CHERP: variants seen among roughly 807,000 people sequenced by gnomAD.
CHERP encodes calcium homeostasis endoplasmic reticulum protein, also known as ERPROT 213-21.
Under a neutral mutation model 113.8 loss-of-function variants are expected in CHERP, and 8 were observed. The observed-to-expected ratio is 0.07, with a 90% CI of 0.04 to 0.13. The LOEUF (loss-of-function observed/expected upper bound fraction) is 0.13. CHERP is among the 10% of genes least tolerant of loss of function. The pLI is 1.00. For missense variants in CHERP, 884 were observed against 1,298.2 expected, an observed-to-expected ratio of 0.68 and a Z score of 4.90; for synonymous variants, 559 against 524.5, an observed-to-expected ratio of 1.07 and a Z score of -0.90.
chr19:16,520,730 G>T lies in CHERP; in HGVS notation c.2201+96C>A. ...ACCGCCCCATAGGCACAGGCTGTGT[G>T]AGGGTGGACGTGATGAGTGTATCTG... On this transcript the variant is annotated intron_variant, in intron 13 of 16. Transcript: ENST00000546361. The surrounding 1 kb of genome is among the most constrained non-coding windows in gnomAD (Gnocchi z 4.0). 7.7e-7 allele frequency: 1 copy of T among 1,291,870 alleles called. No individual in the cohort carries two copies. The highest frequency in any genetic ancestry group is 1.1e-6 in the Non-Finnish European group (1 of 895,388). 80.0% of individuals were successfully genotyped at this position (1,291,870 alleles called of 1,614,324 possible).
At position 16,532,808 on chromosome 19, in the gene CHERP, G is replaced by C; in HGVS notation, c.523-59C>G. ...GCCGCGGCTCCCCCAGGCACCCACTGCATCCCTGAGAGCGCGTCACCATCA... is the reference window on the plus strand; with the variant it reads ...GCCGCGGCTCCCCCAGGCACCCACTCCATCCCTGAGAGCGCGTCACCATCA... On this transcript the variant is annotated intron_variant, in intron 4 of 16. Coordinates refer to ENST00000546361, the MANE Select transcript of CHERP (RefSeq NM_006387.6). This position sits in a 1 kb window ranked among gnomAD's most constrained non-coding sequence, Gnocchi z 4.4. 1 of 1,569,190 alleles carries C rather than the reference G, an allele frequency of 6.4e-7. No homozygotes were observed. Among genetic ancestry groups the C allele is most frequent in the Non-Finnish European group, 8.7e-7 (1 of 1,152,722 alleles).
Position 16,520,603 on chromosome 19 carries a change from G to T in CHERP, c.2202-96C>A. 7.1e-7 allele frequency: 1 copy of T among 1,408,414 alleles called. No individual in the cohort carries two copies. The highest frequency in any genetic ancestry group is 2.3e-5 in the East Asian group (1 of 43,798). The allele number at this position is 1,408,414 out of a possible 1,614,324, so 87.2% of individuals were successfully genotyped here. On this transcript the variant is annotated intron_variant, in intron 13 of 16. Coordinates refer to ENST00000546361, the MANE Select transcript of CHERP (RefSeq NM_006387.6). The surrounding 1 kb of genome is among the most constrained non-coding windows in gnomAD (Gnocchi z 4.0). Reference sequence around the variant, plus strand: ...TTCCTAGACCACCCCAGATGCAGGGGCTCTGGCTGTGGATGTGGCGCCATA... The same window carrying T: ...TTCCTAGACCACCCCAGATGCAGGGTCTCTGGCTGTGGATGTGGCGCCATA...
At position 16,518,491 on chromosome 19, in the gene CHERP, A is replaced by C. The variant is rs1555779842; in HGVS notation, c.*668T>G. 1.3e-5 allele frequency: 2 copies of C among 152,228 alleles called. No individual in the cohort carries two copies. Among genetic ancestry groups the C allele is most frequent in the South Asian group, 4.1e-4 (2 of 4,838 alleles). 9.4% of individuals were successfully genotyped at this position (152,228 alleles called of 1,614,324 possible). On this transcript the variant is annotated 3_prime_UTR_variant, in exon 17 of 17. Coordinates refer to ENST00000546361, the MANE Select transcript of CHERP (RefSeq NM_006387.6). Reference sequence around the variant, plus strand: ...TTATACAACTAAAATAACTGAACTAAGGGCCAGTACGCCTTCGAAGAATTA... The same window carrying C: ...TTATACAACTAAAATAACTGAACTACGGGCCAGTACGCCTTCGAAGAATTA...
intron 3 of CHERP, 24 bp from the exon 4 acceptor site, chr19:16,533,172 C>T (rs564871288): frequency 2.4e-5 from 38 of 1,567,906 alleles, no homozygotes; most frequent in African/African-American, 6.7e-5. Flanking sequence ...TCGGTGGGGT[C>T]GAGAACACAT....
At position 16,523,426 on chromosome 19, in the gene CHERP, G is replaced by A. The variant is rs963980496; in HGVS notation, c.1742-136C>T. The stretch of plus-strand genomic sequence containing the variant: ...AGCCTGTCCAGCATCTTCTCTCACT[G>A]CTTAAGACCAGGCAGCAAGGCACCG... On this transcript the variant is annotated intron_variant, in intron 10 of 16. Transcript: ENST00000546361. This position sits in a 1 kb window ranked among gnomAD's most constrained non-coding sequence, Gnocchi z 4.0. 1.0e-6 allele frequency: 1 copy of A among 1,002,544 alleles called. No individual in the cohort carries two copies. Among genetic ancestry groups the A allele is most frequent in the Non-Finnish European group, 1.5e-6 (1 of 681,362 alleles). 62.1% of individuals were successfully genotyped at this position (1,002,544 alleles called of 1,614,324 possible). A position where few individuals can be genotyped will look rare whatever the true frequency, so the allele number is the denominator to read the frequency against.
In CHERP at chr19:16,520,615, G is replaced by A. The variant is rs2085603629; in HGVS notation, c.2202-108C>T. On this transcript the variant is annotated intron_variant, in intron 13 of 16. Coordinates refer to ENST00000546361, the MANE Select transcript of CHERP (RefSeq NM_006387.6). The surrounding 1 kb of genome is among the most constrained non-coding windows in gnomAD (Gnocchi z 4.0). ...CCCAGATGCAGGGGCTCTGGCTGTG[G>A]ATGTGGCGCCATAGCCACAGCAACG... The A allele has an allele frequency of 7.4e-7, 1 of 1,345,680 alleles. No individual in the cohort carries two copies. The highest frequency in any genetic ancestry group is 1.3e-5 in the South Asian group (1 of 75,150). The allele number at this position is 1,345,680 out of a possible 1,614,324, so 83.4% of individuals were successfully genotyped here.
intron 3 of CHERP, among the ~76,000 whole-genome samples, chr19:16,534,543 C>T (rs559809111): frequency 6.6e-6 from 1 of 152,264 alleles, no homozygotes; most frequent in East Asian, 1.9e-4. Flanking sequence ...GTGGTGCAAT[C>T]TCAGCTCATG....
In CHERP at chr19:16,530,019, G is replaced by A; in HGVS notation, c.877-119C>T. The A allele has an allele frequency of 5.3e-6, 7 of 1,319,390 alleles. No individual in the cohort carries two copies. In the Admixed American group the frequency reaches 6.6e-5, roughly 13 times the overall value. The allele number at this position is 1,319,390 out of a possible 1,614,324, so 81.7% of individuals were successfully genotyped here. A position where few individuals can be genotyped will look rare whatever the true frequency, so the allele number is the denominator to read the frequency against. ...GGGGGACCTGGGGCAGGTGGACAGG[G>A]AACCGTCACGTGAAACAGCCAACAC... On this transcript the variant is annotated intron_variant, in intron 7 of 16. Transcript: ENST00000546361. This position sits in a 1 kb window ranked among gnomAD's most constrained non-coding sequence, Gnocchi z 4.1.
Position 16,523,739 on chromosome 19 carries a change from G to C in CHERP, c.1742-449C>G, listed in dbSNP as rs2085638273. 1.3e-5 allele frequency among the ~76,000 whole-genome samples: 2 copies of C among 151,916 alleles called. No individual in the cohort carries two copies. Among genetic ancestry groups the C allele is most frequent in the African/African-American group, 2.4e-5 (1 of 41,328 alleles). ...TTAGGACACAGACATGTAGAGAGAA[G>C]ACGGTCACCTATGAGCCAAGGAGAC... is the stretch of plus-strand genomic sequence containing the variant. On this transcript the variant is annotated intron_variant, in intron 10 of 16. Coordinates refer to ENST00000546361, the MANE Select transcript of CHERP (RefSeq NM_006387.6). This position sits in a 1 kb window ranked among gnomAD's most constrained non-coding sequence, Gnocchi z 4.0.
chr19:16,531,171 T>A (rs988431709), intron 5 of CHERP, among the ~76,000 whole-genome samples: 1 of 152,124 alleles, frequency 6.6e-6, no homozygotes, highest in Non-Finnish European at 1.5e-5. Context: ...CCTCCTTCCC[T>A]CTTGGGTGGC....
At chr19:16,540,664 C>T (rs1410319832) in intron 2 of CHERP, among the ~76,000 whole-genome samples, 7 of 148,640 alleles carry the variant, frequency 4.7e-5, no homozygotes, top group Non-Finnish European at 4.5e-5. Context: ...TCAGCCACTA[C>T]GCCTGGCCTC....
At chr19:16,529,370 C>T (rs972096584) in intron 8 of CHERP, among the ~76,000 whole-genome samples, 1 of 152,152 alleles carries the variant, frequency 6.6e-6, no homozygotes, top group Non-Finnish European at 1.5e-5. Context: ...AATAGTTACC[C>T]TAGTCTTGGG....
At chr19:16,533,192 C>CCCGCAG in intron 3 of CHERP, 44 bp from the exon 4 acceptor site, 1 of 1,549,284 alleles carries the variant, frequency 6.5e-7, no homozygotes, top group Non-Finnish European at 8.7e-7. Flanking sequence ...TGAGGAGGGA[C>CCCGCAG]CCGCAGCCTG....
In CHERP at chr19:16,523,684, C is replaced by T. The variant is rs2122250809; in HGVS notation, c.1742-394G>A. On this transcript the variant is annotated intron_variant, in intron 10 of 16. Transcript: ENST00000546361. This position sits in a 1 kb window ranked among gnomAD's most constrained non-coding sequence, Gnocchi z 4.0. Reference sequence around the variant, plus strand: ...AAATGAAGCCATAGTGGCCCGAATCCAACGTGACTGTTGCCGTTATAATAA... The same window carrying T: ...AAATGAAGCCATAGTGGCCCGAATCTAACGTGACTGTTGCCGTTATAATAA... Among the ~76,000 whole-genome samples, 1 of 152,114 alleles carries T rather than the reference C, an allele frequency of 6.6e-6. No individual in the cohort carries two copies. Among genetic ancestry groups the T allele is most frequent in the South Asian group, 2.1e-4 (1 of 4,822 alleles).
At chr19:16,527,911 C>T (rs1482546294) in intron 9 of CHERP, among the ~76,000 whole-genome samples, 169 bp downstream of exon 9, 6 of 152,198 alleles carry the variant, frequency 3.9e-5, no homozygotes, top group Non-Finnish European at 7.3e-5. Context: ...TGACCTGTCC[C>T]GGAGCCACAG....
chr19:16,532,387 C>A lies in CHERP; in HGVS notation c.674+211G>T. The A allele has an allele frequency of 1.7e-6, 1 of 582,432 alleles. No individual in the cohort carries two copies. Among genetic ancestry groups the A allele is most frequent in the Admixed American group, 3.3e-5 (1 of 29,852 alleles). 36.1% of individuals were successfully genotyped at this position (582,432 alleles called of 1,614,324 possible). A position where few individuals can be genotyped will look rare whatever the true frequency, so the allele number is the denominator to read the frequency against. ...GGTCTAGGGGAGAGGACAGGGCATG[C>A]AGCGAAGGTGCACAGGACACCTAGA... On this transcript the variant is annotated intron_variant, in intron 5 of 16. Coordinates refer to ENST00000546361, the MANE Select transcript of CHERP (RefSeq NM_006387.6). The surrounding 1 kb of genome is among the most constrained non-coding windows in gnomAD (Gnocchi z 4.4).
At chr19:16,542,167 C>A (rs2085784727) in intron 1 of CHERP, 124 bp from the exon 2 acceptor site, 10 of 1,203,074 alleles carry the variant, frequency 8.3e-6, no homozygotes, top group Non-Finnish European at 1.0e-5. Flanking sequence ...GAAGAGGCCG[C>A]CCTTGTACGG....
chr19:16,522,890 C>T (rs1298634419), intron 11 of CHERP, among the ~76,000 whole-genome samples, 162 bp downstream of exon 11: 1 of 152,162 alleles, frequency 6.6e-6, no homozygotes, highest in East Asian at 1.9e-4. Flanking sequence ...CACCGTGCTA[C>T]TCCGGTTCGG....
intron 10 of CHERP, among the ~76,000 whole-genome samples, chr19:16,524,929 A>G (rs2085646552): frequency 6.6e-6 from 1 of 152,144 alleles, no homozygotes; most frequent in South Asian, 2.1e-4. Flanking sequence ...GGGAAAACTG[A>G]TGCAAAAAAC....
Sources: allele counts gnomAD v4.1 joint callset (sites outside exome capture counted in the v4.1 genomes callset), GRCh38; gene constraint gnomAD v4.1.1; non-coding constraint Gnocchi (gnomAD v3.1); transcripts MANE v1.5; gene names NCBI Gene and HGNC (gene_info 2026-07-23, HGNC 2026-07-21).